KLHL2: variants seen among roughly 807,000 people sequenced by gnomAD.
KLHL2 encodes kelch-like protein 2.
KLHL2 carries 15 observed loss-of-function variants against 75.8 expected under a neutral mutation model. The ratio of observed to expected loss-of-function variants is 0.20; its 90% confidence interval spans 0.13 to 0.30. KLHL2 has a LOEUF of 0.30. Ranked by LOEUF, KLHL2 falls within the 10% of genes least tolerant of loss-of-function variation. KLHL2 has a pLI of 1.00. For synonymous variants in KLHL2, 214 were observed against 251.9 expected (o/e 0.85, Z 1.42); for missense variants, 381 against 741.0 (o/e 0.51, Z 5.64).
chr4:165,257,735 A>T (rs1741302130), intron 4 of KLHL2, among the ~76,000 whole-genome samples: 1 of 152,118 alleles, frequency 6.6e-6, no homozygotes, highest in South Asian at 2.1e-4. Context: ...GAGTCATAAA[A>T]TTATGTTCAG....
chr4:165,279,229 G>T (rs1197998059), intron 5 of KLHL2: 1 of 1,531,646 alleles, frequency 6.5e-7, no homozygotes, highest in Admixed American at 1.7e-5. Context: ...GGCCTGTCTT[G>T]GACTTGACAA....
chr4:165,226,810 A>G lies in KLHL2; in HGVS notation c.153-1997A>G, dbSNP rs577950954. Among the ~76,000 whole-genome samples, 6 of 152,124 alleles carry G rather than the reference A, an allele frequency of 3.9e-5. No individual in the cohort carries two copies. The East Asian group carries it at 1.2e-3, about 29-fold the overall frequency. ...ACAGATCTTAAAACCGTATAGCTTT[A>G]GGTTTTGTGTAGTGGTCAAGAGGCT... On this transcript the variant is annotated intron_variant, in intron 2 of 14. Transcript: ENST00000226725.
chr4:165,236,972 G>T (rs1276780909), intron 3 of KLHL2, among the ~76,000 whole-genome samples: 3 of 150,142 alleles, frequency 2.0e-5, no homozygotes, highest in Admixed American at 2.0e-4. Context: ...AGTCCCACTT[G>T]GTTTTGCCTA....
chr4:165,313,932 C>A, intron 12 of KLHL2, 94 bp from the exon 13 acceptor site: 1 of 1,279,864 alleles, frequency 7.8e-7, no homozygotes, highest in Non-Finnish European at 1.1e-6. Flanking sequence ...ATTATAACTT[C>A]GAAAGTTTTA....
intron 3 of KLHL2, among the ~76,000 whole-genome samples, chr4:165,229,921 A>G (rs570770107): frequency 6.6e-6 from 1 of 152,240 alleles, no homozygotes; most frequent in Non-Finnish European, 1.5e-5. Flanking sequence ...TAGTGAGGAG[A>G]CCAGAGCCCC....
At chr4:165,218,300 G>A (rs1194224742) in intron 1 of KLHL2, among the ~76,000 whole-genome samples, 1 of 152,116 alleles carries the variant, frequency 6.6e-6, no homozygotes, top group African/African-American at 2.4e-5. Flanking sequence ...AAGGCCCTTT[G>A]TGATCTGCAC....
At chr4:165,294,780 A>T (rs1184877164) in intron 6 of KLHL2, among the ~76,000 whole-genome samples, 1 of 152,216 alleles carries the variant, frequency 6.6e-6, no homozygotes, top group Admixed American at 6.5e-5. Context: ...ACTATCTGAA[A>T]CAAATGCTTT....
intron 14 of KLHL2, among the ~76,000 whole-genome samples, chr4:165,320,529 A>G (rs1240562261): frequency 2.6e-5 from 4 of 152,208 alleles, no homozygotes; most frequent in Non-Finnish European, 5.9e-5. Flanking sequence ...AACACAATGT[A>G]TCTAATTCAG....
chr4:165,243,264 C>T (rs1261443676), intron 4 of KLHL2, among the ~76,000 whole-genome samples: 1 of 152,186 alleles, frequency 6.6e-6, no homozygotes, highest in Non-Finnish European at 1.5e-5. Context: ...GACTTCTCCG[C>T]CTTTGGGTAT....
At chr4:165,229,536 A>G (rs1341621414) in intron 3 of KLHL2, among the ~76,000 whole-genome samples, 2 of 152,250 alleles carry the variant, frequency 1.3e-5, no homozygotes, top group African/African-American at 4.8e-5. Context: ...GCCAAATAGA[A>G]AATACAAATA....
At chr4:165,277,127 A>C (rs1208699236) in intron 5 of KLHL2, among the ~76,000 whole-genome samples, 3 of 152,184 alleles carry the variant, frequency 2.0e-5, no homozygotes, top group Non-Finnish European at 4.4e-5. Context: ...CAACATATTG[A>C]TATACATAGT....
At chr4:165,291,581 CTCT>C (rs1015117481) in intron 5 of KLHL2, among the ~76,000 whole-genome samples, 5 of 152,110 alleles carry the variant, frequency 3.3e-5, no homozygotes, top group African/African-American at 1.2e-4. Flanking sequence ...GTTGAAAAGA[CTCT>C]TCTTTTTCTA....
At chr4:165,291,623 A>G (rs1194039145) in intron 5 of KLHL2, among the ~76,000 whole-genome samples, 1 of 152,152 alleles carries the variant, frequency 6.6e-6, no homozygotes, top group African/African-American at 2.4e-5. Flanking sequence ...TTTGTCACAG[A>G]TCAGTTGCCT....
intron 2 of KLHL2, among the ~76,000 whole-genome samples, chr4:165,223,328 G>C (rs1461046690): frequency 6.6e-6 from 1 of 152,206 alleles, no homozygotes; most frequent in Non-Finnish European, 1.5e-5. Flanking sequence ...AGGAGGATGA[G>C]GCAGTGAAAA....
chr4:165,215,081 ATTAGTC>A (rs972153328), intron 1 of KLHL2, among the ~76,000 whole-genome samples: 20 of 152,230 alleles, frequency 1.3e-4, no homozygotes, highest in African/African-American at 4.1e-4. Flanking sequence ...ATGTTTGTAG[ATTAGTC>A]TACTGTTTCC....
intron 6 of KLHL2, among the ~76,000 whole-genome samples, chr4:165,295,475 A>G (rs1032722183): frequency 2.0e-5 from 3 of 152,228 alleles, no homozygotes; most frequent in Admixed American, 6.5e-5. Context: ...AGACACTGCC[A>G]TGGGCTCCTA....
At chr4:165,320,663 C>A (rs933097994) in intron 14 of KLHL2, among the ~76,000 whole-genome samples, 8 of 152,164 alleles carry the variant, frequency 5.3e-5, no homozygotes, top group Admixed American at 5.2e-4. Context: ...ATGGATTACA[C>A]CATTGAATAT....
chr4:165,220,266 C>A (rs574838724), intron 2 of KLHL2, among the ~76,000 whole-genome samples: 2 of 151,834 alleles, frequency 1.3e-5, no homozygotes, highest in African/African-American at 4.8e-5. Flanking sequence ...GTGTGGTAGC[C>A]GCTTAGCCAC....
At position 165,322,018 on chromosome 4, in the gene KLHL2, A is replaced by G. The variant is rs768356519; in HGVS notation, c.1754-14A>G. The G allele has an allele frequency of 2.5e-6, 4 of 1,613,044 alleles. No individual in the cohort carries two copies. Among genetic ancestry groups the G allele is most frequent in the South Asian group, 1.1e-5 (1 of 91,062 alleles). On this transcript the variant is annotated splice_polypyrimidine_tract_variant and intron_variant, in intron 14 of 14. Transcript: ENST00000226725. ...CCTGTGACTTCTTTTTTCTCTCTTC[A>G]TTTCTTTGCTCAGGGGTCACAGTTA... is the stretch of plus-strand genomic sequence containing the variant.
Sources: gnomAD v4.1 joint callset for allele counts (sites outside exome capture counted in the v4.1 genomes callset) on GRCh38, gnomAD v4.1.1 for gene constraint, MANE v1.5 for transcripts, NCBI Gene and HGNC (gene_info 2026-07-23, HGNC 2026-07-21) for gene names.